Variants in TMEM156 observed in about 807,000 individuals in gnomAD.
TMEM156 encodes the protein transmembrane protein 156.
In TMEM156, 28 loss-of-function variants were observed where a neutral mutation model predicts 30.5. That is an observed-to-expected ratio of 0.92 (90% CI 0.68 to 1.26). The LOEUF is 1.26. Among genes scored for constraint, TMEM156 ranks in the 50% most tolerant of loss-of-function variants. The pLI is 0.00. For missense variants in TMEM156, 351 were observed against 340.6 expected (o/e 1.03, Z -0.24); for synonymous variants, 137 against 119.9 (o/e 1.14, Z -0.93).
intron 3 of TMEM156, among the ~76,000 whole-genome samples, chr4:38,990,844 T>TTTGTTTTGTTTTTTTTG (rs1712394666): frequency 7.4e-6 from 1 of 134,980 alleles, no homozygotes; most frequent in Non-Finnish European, 1.6e-5. Context: ...TTTTTTTTTT[T>TTTGTTTTGTTTTTTTTG]TTTTTTTTTG....
chr4:38,976,004 A>G (rs1255164651), intron 5 of TMEM156, among the ~76,000 whole-genome samples: 4 of 151,628 alleles, frequency 2.6e-5, no homozygotes, highest in African/African-American at 9.7e-5. Context: ...AGCAAACTGC[A>G]GGCTGGGCGC....
At chr4:38,968,140 A>C (rs547255644) in intron 6 of TMEM156, among the ~76,000 whole-genome samples, 30 of 152,328 alleles carry the variant, frequency 2.0e-4, no homozygotes, top group African/African-American at 6.7e-4. Flanking sequence ...CAAACTTCTC[A>C]GCCTAGGACC....
chr4:39,004,109 C>T (rs981031807), intron 1 of TMEM156, among the ~76,000 whole-genome samples: 1 of 152,160 alleles, frequency 6.6e-6, no homozygotes, highest in Non-Finnish European at 1.5e-5. Flanking sequence ...GGACTATATT[C>T]TCATCTCCAT....
In TMEM156 at chr4:38,968,340, G is replaced by A. The variant is rs565632205; in HGVS notation, c.*39-699C>T. 1.2e-4 allele frequency among the ~76,000 whole-genome samples: 19 copies of A among 152,234 alleles called. 1 individual carries two copies. In the South Asian group the frequency reaches 1.5e-3, roughly 12 times the overall value. On this transcript the variant is annotated intron_variant, in intron 6 of 6. Coordinates refer to ENST00000381938, the MANE Select transcript of TMEM156 (RefSeq NM_024943.3). ...ACAAATCCTTATTGAACATCTAAAC[G>A]CTAGGCATCATGTCCTCTGAAGGAG...
intron 1 of TMEM156, among the ~76,000 whole-genome samples, chr4:39,031,777 G>A (rs1018199476): frequency 1.6e-4 from 24 of 151,266 alleles, no homozygotes; most frequent in Admixed American, 2.6e-4. Context: ...CCAGCTACTC[G>A]GAGGCTGAGG....
intron 5 of TMEM156, among the ~76,000 whole-genome samples, chr4:38,976,876 T>C (rs1722878760): frequency 7.1e-6 from 1 of 140,372 alleles, no homozygotes; most frequent in African/African-American, 2.7e-5. Context: ...CAATTTAACA[T>C]TTGACATTGT....
At chr4:38,969,908 T>C (rs957204716) in intron 6 of TMEM156, among the ~76,000 whole-genome samples, 2 of 152,332 alleles carry the variant, frequency 1.3e-5, no homozygotes, top group East Asian at 3.9e-4. Context: ...TTATTTTCCT[T>C]TGGGTAGATA....
At chr4:38,995,457 C>T (rs1190663351) in intron 2 of TMEM156, among the ~76,000 whole-genome samples, 1 of 152,214 alleles carries the variant, frequency 6.6e-6, no homozygotes, top group Non-Finnish European at 1.5e-5. Flanking sequence ...TGGCTCACGC[C>T]TGTAATCCCA....
At chr4:38,990,879 G>A (rs1433687943) in intron 3 of TMEM156, among the ~76,000 whole-genome samples, 1 of 119,960 alleles carries the variant, frequency 8.3e-6, no homozygotes, top group African/African-American at 3.3e-5. Context: ...TGTCACCCAG[G>A]CTGGAGTGCG....
intron 5 of TMEM156, among the ~76,000 whole-genome samples, chr4:38,977,153 C>T (rs1334058407): frequency 6.6e-6 from 1 of 152,208 alleles, no homozygotes; most frequent in Admixed American, 6.5e-5. Flanking sequence ...GATCCGCCCA[C>T]CTCGGCCTTC....
At chr4:38,984,347 CTCTGTGTG>C (rs1313272832) in intron 5 of TMEM156, among the ~76,000 whole-genome samples, 93 of 130,618 alleles carry the variant, frequency 7.1e-4, no homozygotes, top group East Asian at 3.0e-3. Context: ...CTCTCTCTCT[CTCTGTGTG>C]TGTGTGTGTG....
At chr4:39,030,717 C>T (rs938571096) in intron 1 of TMEM156, among the ~76,000 whole-genome samples, 5 of 152,024 alleles carry the variant, frequency 3.3e-5, no homozygotes, top group Non-Finnish European at 5.9e-5. Flanking sequence ...TTAAGAGGTG[C>T]TAGGTGTAGA....
At chr4:39,027,496 T>C (rs1449822467) in intron 1 of TMEM156, among the ~76,000 whole-genome samples, 1 of 151,546 alleles carries the variant, frequency 6.6e-6, no homozygotes, top group Non-Finnish European at 1.5e-5. Flanking sequence ...TAAAAGAAAG[T>C]GAGGAAGTCA....
chr4:38,992,213 C>A (rs1712515514), intron 3 of TMEM156, among the ~76,000 whole-genome samples: 1 of 152,140 alleles, frequency 6.6e-6, no homozygotes, highest in Non-Finnish European at 1.5e-5. Flanking sequence ...TCTCCCATAG[C>A]ACCTGTGGCA....
chr4:39,020,576 G>A (rs184268917), intron 1 of TMEM156, among the ~76,000 whole-genome samples: 166 of 151,738 alleles, frequency 1.1e-3, no homozygotes, highest in African/African-American at 3.5e-3. Flanking sequence ...TTTTTGAGAT[G>A]GAGTCTCACT....
Position 38,972,861 on chromosome 4 carries a change from T to C in TMEM156, c.824-1724A>G, listed in dbSNP as rs184967740. On this transcript the variant is annotated intron_variant, in intron 5 of 6. Transcript: ENST00000381938. Reference sequence around the variant, plus strand: ...TTACTCGATAAACTGCAAATAATTTTGCCCATTAATTGTTGGTCTTTTTTC... The same window carrying C: ...TTACTCGATAAACTGCAAATAATTTCGCCCATTAATTGTTGGTCTTTTTTC... Among the ~76,000 whole-genome samples, 48 of 152,354 alleles carry C rather than the reference T, an allele frequency of 3.2e-4. 1 individual carries two copies. The East Asian group carries it at 9.3e-3, about 29-fold the overall frequency.
chr4:38,985,776 A>G (rs1322668531), intron 5 of TMEM156, among the ~76,000 whole-genome samples: 1 of 152,208 alleles, frequency 6.6e-6, no homozygotes, highest in Non-Finnish European at 1.5e-5. Flanking sequence ...GTGATTTGAC[A>G]GCTTGAATCC....
intron 1 of TMEM156, among the ~76,000 whole-genome samples, chr4:39,017,343 T>A (rs1216272180): frequency 6.7e-6 from 1 of 150,010 alleles, no homozygotes; most frequent in African/African-American, 2.4e-5. Flanking sequence ...CCTGGCTAAT[T>A]TTTTTTGTAT....
Position 38,992,711 on chromosome 4 carries a change from AT to A in TMEM156, c.619+1026del, listed in dbSNP as rs1223500120. ...ATAATATATTATATAATATATATAT[AT>A]TATATATATATAATATATATATAAT... On this transcript the variant is annotated intron_variant, in intron 3 of 6. Coordinates refer to ENST00000381938, the MANE Select transcript of TMEM156 (RefSeq NM_024943.3). 6.2e-3 allele frequency among the ~76,000 whole-genome samples: 272 copies of A among 43,946 alleles called. 5 individuals carry two copies. Among genetic ancestry groups the A allele is most frequent in the Non-Finnish European group, 7.0e-3 (141 of 20,036 alleles). The allele number at this position is 43,946 out of a possible 152,430, so 28.8% of individuals were successfully genotyped here. A position where few individuals can be genotyped will look rare whatever the true frequency, so the allele number is the denominator to read the frequency against.
Sources: allele counts gnomAD v4.1 joint callset (sites outside exome capture counted in the v4.1 genomes callset), GRCh38; gene constraint gnomAD v4.1.1; transcripts MANE v1.5; gene names NCBI Gene and HGNC (gene_info 2026-07-23, HGNC 2026-07-21).